Variants in NOVA2 observed in about 807,000 individuals in gnomAD.
NOVA2 encodes RNA-binding protein Nova-2.
A neutral mutation model predicts 22.5 loss-of-function variants in NOVA2; 9 were observed. The ratio of observed to expected loss-of-function variants is 0.40; its 90% CI spans 0.24 to 0.70. The LOEUF (loss-of-function observed/expected upper bound fraction) is 0.70. Ranked by LOEUF, NOVA2 falls within the 30% of genes least tolerant of loss-of-function variation. NOVA2 has a pLI of 0.38. For synonymous variants in NOVA2, 318 were observed against 335.2 expected, an observed-to-expected ratio of 0.95 and a Z score of 0.56; for missense variants, 383 against 682.8, an observed-to-expected ratio of 0.56 and a Z score of 4.89.
chr19:45,973,315 G>C lies in NOVA2; in HGVS notation c.37C>G (p.Leu13Val). 1 of 1,313,354 alleles carries C rather than the reference G, an allele frequency of 7.6e-7. No individual in the cohort carries two copies. The highest frequency in any genetic ancestry group is 9.8e-7 in the Non-Finnish European group (1 of 1,025,076). 81.4% of individuals were successfully genotyped at this position (1,313,354 alleles called of 1,614,324 possible). Residue 13 changes from leucine to valine, a missense_variant, in exon 1 of 4, where the codon CTC (leucine) becomes GTC (valine). Physicochemically the swap from Leu to Val is conservative, Grantham distance 32 (BLOSUM62 1). Around this residue, in one of 2 missense-constraint regions of NOVA2, gnomAD observed 349 missense variants for 578.1 expected, o/e 0.60. Coordinates refer to ENST00000263257, the MANE Select transcript of NOVA2 (RefSeq NM_002516.4). ...PEAPDSRKRP[L>V]ETPPEVVCTK... ...CAGACCACCTCGGGGGGCGTTTCGA[G>C]GGGCCTCTTGCGGGAATCCGGGGCC...
intron 2 of NOVA2, among the ~76,000 whole-genome samples, chr19:45,958,510 C>T (rs181097895): frequency 1.4e-5 from 2 of 145,818 alleles, no homozygotes; most frequent in Admixed American, 1.4e-4. Context: ...TGTGTGTAAG[C>T]ATGTGTGACA....
At chr19:45,959,441 G>C (rs1355815870) in intron 2 of NOVA2, among the ~76,000 whole-genome samples, 1 of 152,188 alleles carries the variant, frequency 6.6e-6, no homozygotes, top group Non-Finnish European at 1.5e-5. Flanking sequence ...GGCCTGTGGG[G>C]TGTGTCAATG....
intron 3 of NOVA2, among the ~76,000 whole-genome samples, chr19:45,951,946 A>G (rs1967932586): frequency 6.6e-6 from 1 of 152,186 alleles, no homozygotes; most frequent in Admixed American, 6.5e-5. Context: ...TTTGAGTGGC[A>G]GCTTCTCCCT....
chr19:45,953,718 G>A, intron 3 of NOVA2, 62 bp downstream of exon 3: 2 of 1,592,116 alleles, frequency 1.3e-6, no homozygotes, highest in South Asian at 2.2e-5. Flanking sequence ...AGTGATGTGG[G>A]AGGAATGTTT....
At chr19:45,958,729 C>T (rs949331217) in intron 2 of NOVA2, among the ~76,000 whole-genome samples, 29 of 152,132 alleles carry the variant, frequency 1.9e-4, no homozygotes. Context: ...TCTCCACTGT[C>T]ATTTCTCACA....
chr19:45,965,455 G>A (rs957813860), intron 1 of NOVA2, among the ~76,000 whole-genome samples: 2 of 152,108 alleles, frequency 1.3e-5, no homozygotes, highest in African/African-American at 4.8e-5. Flanking sequence ...ATGGTCGAGC[G>A]CAGTGGCTCA....
intron 3 of NOVA2, among the ~76,000 whole-genome samples, chr19:45,944,324 C>T (rs1967805732): frequency 6.6e-6 from 1 of 152,154 alleles, no homozygotes; most frequent in South Asian, 2.1e-4. Context: ...TGCCTGTGGT[C>T]CCAGCTACTT....
chr19:45,940,323 C>G lies in NOVA2; in HGVS notation c.1019G>C (p.Gly340Ala). The G allele has an allele frequency of 8.6e-7, 1 of 1,168,836 alleles. No homozygotes were observed. Among genetic ancestry groups the G allele is most frequent in the African/African-American group, 1.6e-5 (1 of 61,104 alleles). The allele number at this position is 1,168,836 out of a possible 1,614,324, so 72.4% of individuals were successfully genotyped here. Residue 340 changes from glycine (G) to alanine (A), a missense_variant, in exon 4 of 4, where the codon GGA (glycine) becomes GCA (alanine). Gly to Ala is a moderately conservative substitution (Grantham distance 60, BLOSUM62 0). This residue lies in a region of NOVA2 where 349 missense variants were observed against 578.1 expected (regional missense o/e 0.60). Transcript: ENST00000263257. ...CGGGGGCGGCGGCGGGGCGGCCCCT[C>G]CGGCTGGCCCGGCCCCGGCCTCGCC... ...YAGEAGAGPAGGAAPPPPPPP... is the reference protein window; with the variant it reads ...YAGEAGAGPAAGAAPPPPPPP...
chr19:45,946,657 A>C (rs572448034), intron 3 of NOVA2, among the ~76,000 whole-genome samples: 1 of 152,118 alleles, frequency 6.6e-6, no homozygotes, highest in East Asian at 1.9e-4. Context: ...GCGGATCACG[A>C]GGTCAGGAGA....
At position 45,965,853 on chromosome 19, in the gene NOVA2, G is replaced by T. The variant is rs143777775; in HGVS notation, c.86-4700C>A. Among the ~76,000 whole-genome samples, 120 of 152,326 alleles carry T rather than the reference G, an allele frequency of 7.9e-4. No individual in the cohort carries two copies. In the Middle Eastern group the frequency reaches 0.017, roughly 22 times the overall value. ...GGAATCATGATAGTGCTACTTCATG[G>T]GGTTACTGTGATTAATGAAATGAGG... On this transcript the variant is annotated intron_variant, in intron 1 of 3. Coordinates refer to ENST00000263257, the MANE Select transcript of NOVA2 (RefSeq NM_002516.4).
rs1968259549 is a variant in NOVA2, at chr19:45,973,355, G to T, written c.-4C>A. 2 of 1,072,468 alleles carry T rather than the reference G, an allele frequency of 1.9e-6. No homozygotes were observed. The highest frequency in any genetic ancestry group is 2.4e-6 in the Non-Finnish European group (2 of 840,120). 66.4% of individuals were successfully genotyped at this position (1,072,468 alleles called of 1,614,324 possible). On this transcript the variant is annotated 5_prime_UTR_variant, in exon 1 of 4. Transcript: ENST00000263257. ...AATCCGGGGCCTCGGGCTCCATGGG[G>T]GGGGCCTGGGGCGGCGGCTGCTGCT...
At chr19:45,969,282 A>G (rs1239127803) in intron 1 of NOVA2, among the ~76,000 whole-genome samples, 1 of 152,134 alleles carries the variant, frequency 6.6e-6, no homozygotes, top group African/African-American at 2.4e-5. Context: ...AAGTGGGTGG[A>G]TCACCTGAGA....
intron 1 of NOVA2, chr19:45,967,522 G>A (rs1968182561): frequency 6.6e-6 from 1 of 152,198 alleles, no homozygotes; most frequent in Non-Finnish European, 1.5e-5. Flanking sequence ...GTAAGAGTCT[G>A]AAGAACTGAA....
Position 45,934,270 on chromosome 19 carries a change from G to C in NOVA2, c.*5593C>G, listed in dbSNP as rs1967628436. On this transcript the variant is annotated 3_prime_UTR_variant, in exon 4 of 4. Coordinates refer to ENST00000263257, the MANE Select transcript of NOVA2 (RefSeq NM_002516.4). ...TCGGTTCTCCAAAGATGGCCCTGCAGCCTCCCCTGTCCCCCATTCTTCTGC... is the reference window on the plus strand; with the variant it reads ...TCGGTTCTCCAAAGATGGCCCTGCACCCTCCCCTGTCCCCCATTCTTCTGC... 6.6e-6 allele frequency: 1 copy of C among 152,430 alleles called. No individual in the cohort carries two copies. The allele number at this position is 152,430 out of a possible 1,614,324, so 9.4% of individuals were successfully genotyped here. A position where few individuals can be genotyped will look rare whatever the true frequency, so the allele number is the denominator to read the frequency against.
chr19:45,966,083 C>T (rs1326805892), intron 1 of NOVA2, among the ~76,000 whole-genome samples: 2 of 152,104 alleles, frequency 1.3e-5, no homozygotes, highest in African/African-American at 4.8e-5. Context: ...TTGTTAATCA[C>T]CCATTTCCCT....
At chr19:45,951,088 G>C (rs191712800) in intron 3 of NOVA2, among the ~76,000 whole-genome samples, 12 of 152,288 alleles carry the variant, frequency 7.9e-5, no homozygotes, top group South Asian at 4.1e-4. Flanking sequence ...CTAGGGGTGA[G>C]AGCCACTGGT....
At chr19:45,946,898 C>G (rs960631277) in intron 3 of NOVA2, among the ~76,000 whole-genome samples, 1 of 146,756 alleles carries the variant, frequency 6.8e-6, no homozygotes, top group African/African-American at 2.5e-5. Flanking sequence ...AAAATCACAA[C>G]AAAAATTGTG....
intron 3 of NOVA2, among the ~76,000 whole-genome samples, chr19:45,948,599 C>CAAAAAAAAAAA (rs1227808626): frequency 2.8e-5 from 2 of 72,692 alleles, no homozygotes; most frequent in African/African-American, 5.0e-5. Flanking sequence ...GACTCTGTCT[C>CAAAAAAAAAAA]AAAAAAAAAA....
intron 1 of NOVA2, among the ~76,000 whole-genome samples, chr19:45,963,773 G>A (rs576719510): frequency 1.3e-3 from 191 of 152,192 alleles, no homozygotes; most frequent in African/African-American, 4.2e-3. Flanking sequence ...CTCGTGATCT[G>A]CCCTCCTCGG....
Sources: gnomAD v4.1 joint callset for allele counts (sites outside exome capture counted in the v4.1 genomes callset) on GRCh38, gnomAD v4.1.1 for gene constraint, gnomAD v4.1.1 regional missense constraint, MANE v1.5 for transcripts, NCBI Gene and HGNC (gene_info 2026-07-23, HGNC 2026-07-21) for gene names.